The following SH2B2 variants were observed in gnomAD, a reference collection of about 807,000 sequenced individuals.
SH2B2 encodes the protein SH2B adapter protein 2.
Under a neutral mutation model 35.7 loss-of-function variants are expected in SH2B2, and 37 were observed. The observed-to-expected ratio is 1.04, with a 90% CI of 0.80 to 1.36. SH2B2 has a LOEUF of 1.36. SH2B2 is among the 40% of genes most tolerant of loss of function. SH2B2 has a pLI of 0.00. For synonymous variants in SH2B2, 383 were observed against 376.4 expected, an observed-to-expected ratio of 1.02 and a Z score of -0.20; for missense variants, 852 against 817.7, an observed-to-expected ratio of 1.04 and a Z score of -0.51.
chr7:102,293,198 C>CTTTTTT (rs34138991), intron 1 of SH2B2: 1 of 50,100 alleles, frequency 2.0e-5, no homozygotes, highest in Non-Finnish European at 3.5e-5. Flanking sequence ...TGAAGACCGG[C>CTTTTTT]TTTTTTTTTT....
At chr7:102,321,062 GTGTGTGCACTCCTGTGCA>G (rs1794046249) in intron 8 of SH2B2, among the ~76,000 whole-genome samples, 2 of 152,306 alleles carry the variant, frequency 1.3e-5, no homozygotes, top group South Asian at 4.1e-4. Context: ...ATGTATGCGT[GTGTGTGCACTCCTGTGCA>G]TGTGGCTATA....
At chr7:102,317,448 G>A in intron 7 of SH2B2, 53 bp downstream of exon 7, 1 of 1,454,972 alleles carries the variant, frequency 6.9e-7, no homozygotes, top group Non-Finnish European at 9.2e-7. Flanking sequence ...TGAGGGAGAG[G>A]GGTCATGGTG....
Position 102,301,191 on chromosome 7 carries a change from G to T in SH2B2, c.641G>T (p.Gly214Val), listed in dbSNP as rs782479453. ...VADDAAAGSGGSAQWQKCRLL... is the reference protein window; with the variant it reads ...VADDAAAGSGVSAQWQKCRLL... The stretch of plus-strand genomic sequence containing the variant: ...GACGACGCGGCCGCGGGCTCCGGGG[G>T]CTCGGCTCAGTGGCAGAAGTGCCGC... Residue 214 changes from glycine to valine, a missense_variant, in exon 2 of 9, where the codon GGC becomes GTC. Transcript: ENST00000444095. 2 of 1,587,432 alleles carry T rather than the reference G, an allele frequency of 1.3e-6. No individual in the cohort carries two copies. The highest frequency in any genetic ancestry group is 3.5e-5 in the Admixed American group (2 of 56,378).
At chr7:102,314,236 G>T (rs1793730515) in intron 4 of SH2B2, 100 bp from the exon 5 acceptor site, 9 of 397,930 alleles carry the variant, frequency 2.3e-5, no homozygotes, top group Non-Finnish European at 4.0e-5. Context: ...CCTAGATGCT[G>T]GGCCATGGGA....
intron 2 of SH2B2, among the ~76,000 whole-genome samples, chr7:102,304,331 A>G (rs1793310587): frequency 6.6e-6 from 1 of 152,176 alleles, no homozygotes; most frequent in Non-Finnish European, 1.5e-5. Flanking sequence ...CCCTGCAGGA[A>G]GAGCCTCCTG....
At chr7:102,320,131 G>T (rs1270421208) in intron 7 of SH2B2, among the ~76,000 whole-genome samples, 200 bp from the exon 8 acceptor site, 3 of 152,168 alleles carry the variant, frequency 2.0e-5, no homozygotes, top group African/African-American at 7.2e-5. Flanking sequence ...TGGGGACAAT[G>T]CCTGATGCCT....
intron 2 of SH2B2, among the ~76,000 whole-genome samples, chr7:102,306,248 G>A (rs935437420): frequency 6.6e-6 from 1 of 152,060 alleles, no homozygotes; most frequent in Non-Finnish European, 1.5e-5. Context: ...CACCACGCCT[G>A]GCTAATTTTG....
At chr7:102,311,466 G>T (rs1586595200) in intron 4 of SH2B2, among the ~76,000 whole-genome samples, 1 of 151,790 alleles carries the variant, frequency 6.6e-6, no homozygotes, top group East Asian at 1.9e-4. Flanking sequence ...TGGTGGTCAG[G>T]CTCGTCTCGA....
Position 102,300,717 on chromosome 7 carries a change from A to ACGCCGGCGCCTCCTTCTCCCGC in SH2B2, c.169_190dup (p.His64ArgfsTer202). On this transcript the variant is annotated frameshift_variant, in exon 2 of 9. Transcript: ENST00000444095. LOFTEE classifies it high-confidence loss of function. ...GACAACCCAGCTTACGACACGCCCG[A>ACGCCGGCGCCTCCTTCTCCCGC]CGCCGGCGCCTCCTTCTCCCGCCAC... The ACGCCGGCGCCTCCTTCTCCCGC allele has an allele frequency of 2.6e-6, 4 of 1,532,926 alleles. No individual in the cohort carries two copies. Among genetic ancestry groups the ACGCCGGCGCCTCCTTCTCCCGC allele is most frequent in the Non-Finnish European group, 3.5e-6 (4 of 1,136,140 alleles). 95.0% of individuals were successfully genotyped at this position (1,532,926 alleles called of 1,614,324 possible). A position where few individuals can be genotyped will look rare whatever the true frequency, so the allele number is the denominator to read the frequency against.
At position 102,301,290 on chromosome 7, in the gene SH2B2, C is replaced by A; in HGVS notation, c.729+11C>A. 6.3e-7 allele frequency: 1 copy of A among 1,598,464 alleles called. No individual in the cohort carries two copies. The highest frequency in any genetic ancestry group is 1.7e-4 in the Middle Eastern group (1 of 6,016). ...TTCGTGCCGCCCAAAGTGAGTTACC[C>A]CATAATCCCACCTAGCCTGGGGGGA... On this transcript the variant is annotated intron_variant, in intron 2 of 8. Coordinates refer to ENST00000444095, the MANE Select transcript of SH2B2 (RefSeq NM_001359228.2).
chr7:102,303,226 A>T (rs1333544087), intron 2 of SH2B2, among the ~76,000 whole-genome samples: 1 of 152,086 alleles, frequency 6.6e-6, no homozygotes, highest in Admixed American at 6.6e-5. Context: ...TCAAAAAAAA[A>T]AAAAAATCCG....
At position 102,319,207 on chromosome 7, in the gene SH2B2, G is replaced by A. The variant is rs139493883; in HGVS notation, c.1396-1124G>A. Among the ~76,000 whole-genome samples the A allele has an allele frequency of 1.9e-3, 286 of 152,314 alleles. 1 individual carries two copies. Among genetic ancestry groups the A allele is most frequent in the Non-Finnish European group, 3.2e-3 (216 of 68,024 alleles). ...AAGGTCTGGCAGAAGATTGGGATGC[G>A]TCCAACTTGCTTCTTCTCTCCCCAG... On this transcript the variant is annotated intron_variant, in intron 7 of 8. Transcript: ENST00000444095.
chr7:102,313,219 G>A (rs1331777404), intron 4 of SH2B2, among the ~76,000 whole-genome samples: 2 of 151,466 alleles, frequency 1.3e-5, no homozygotes, highest in African/African-American at 4.9e-5. Flanking sequence ...GGCCAAGGCG[G>A]GCAGATCACC....
In SH2B2 at chr7:102,321,522, CAGCGCCG is replaced by C; in HGVS notation, c.1798_1804del (p.Glu600CysfsTer46). On this transcript the variant is annotated frameshift_variant, in exon 9 of 9. Coordinates refer to ENST00000444095, the MANE Select transcript of SH2B2 (RefSeq NM_001359228.2). LOFTEE classifies it low-confidence loss of function (END_TRUNC). ...AGCTCAGCGCGCGGAGCCGCAGCAA[CAGCGCCG>C]AGCGCCTGCTGGAGGCCGTGGCCGC... The C allele has an allele frequency of 1.7e-6, 2 of 1,143,812 alleles. No individual in the cohort carries two copies. Among genetic ancestry groups the C allele is most frequent in the Non-Finnish European group, 2.1e-6 (2 of 932,026 alleles). The allele number at this position is 1,143,812 out of a possible 1,614,324, so 70.9% of individuals were successfully genotyped here. A position where few individuals can be genotyped will look rare whatever the true frequency, so the allele number is the denominator to read the frequency against.
chr7:102,310,987 A>G lies in SH2B2; in HGVS notation c.923+2081A>G, dbSNP rs534038462. Among the ~76,000 whole-genome samples, 200 of 152,338 alleles carry G rather than the reference A, an allele frequency of 1.3e-3. 1 individual carries two copies. Among genetic ancestry groups the G allele is most frequent in the African/African-American group, 4.5e-3 (188 of 41,576 alleles). On this transcript the variant is annotated intron_variant, in intron 4 of 8. Coordinates refer to ENST00000444095, the MANE Select transcript of SH2B2 (RefSeq NM_001359228.2). Reference sequence around the variant, plus strand: ...TCCACTCAGTGGTATCCGGGCCAAGAGAGAGCCTTCCCCTGGGCTTTCTGA... The same window carrying G: ...TCCACTCAGTGGTATCCGGGCCAAGGGAGAGCCTTCCCCTGGGCTTTCTGA...
intron 4 of SH2B2, among the ~76,000 whole-genome samples, chr7:102,313,099 C>T (rs1277022914): frequency 1.4e-5 from 2 of 146,434 alleles, no homozygotes; most frequent in South Asian, 2.2e-4. Flanking sequence ...TCATTGCACT[C>T]CAGCCTGGGC....
chr7:102,302,247 C>T (rs1401286922), intron 2 of SH2B2, among the ~76,000 whole-genome samples: 4 of 152,228 alleles, frequency 2.6e-5, no homozygotes, highest in African/African-American at 7.2e-5. Context: ...CTCCCAGAGC[C>T]GAGGCCTGCA....
At chr7:102,304,288 GT>G (rs1554554455) in intron 2 of SH2B2, among the ~76,000 whole-genome samples, 1 of 152,112 alleles carries the variant, frequency 6.6e-6, no homozygotes, top group African/African-American at 2.4e-5. Flanking sequence ...GCCAGCCCTG[GT>G]GAGTCAGGTC....
At chr7:102,304,150 C>G (rs1447893789) in intron 2 of SH2B2, among the ~76,000 whole-genome samples, 2 of 152,144 alleles carry the variant, frequency 1.3e-5, no homozygotes, top group Non-Finnish European at 2.9e-5. Context: ...CTGCACCCAC[C>G]CACGGTCCAG....
Sources: gnomAD v4.1 joint callset for allele counts (sites outside exome capture counted in the v4.1 genomes callset) on GRCh38, gnomAD v4.1.1 for gene constraint, MANE v1.5 for transcripts, NCBI Gene and HGNC (gene_info 2026-07-23, HGNC 2026-07-21) for gene names.